Variants in PPARGC1A observed in about 807,000 individuals in gnomAD.
PPARGC1A encodes the protein peroxisome proliferator-activated receptor gamma coactivator 1-alpha.
A neutral mutation model predicts 88.7 loss-of-function variants in PPARGC1A; 25 were observed. The observed-to-expected ratio is 0.28, with a 90% CI of 0.21 to 0.39. The LOEUF (loss-of-function observed/expected upper bound fraction) is 0.39, where lower values mean the gene tolerates loss of function less well. PPARGC1A is among the 10% of genes least tolerant of loss of function. The pLI, the probability that PPARGC1A is intolerant of heterozygous loss-of-function variation, is 1.00. For synonymous variants in PPARGC1A, 363 were observed against 355.6 expected (o/e 1.02, Z -0.24); for missense variants, 880 against 968.7 (o/e 0.91, Z 1.22).
chr4:23,885,995 G>A (rs1716811523), intron 1 of PPARGC1A, among the ~76,000 whole-genome samples: 1 of 152,132 alleles, frequency 6.6e-6, no homozygotes, highest in Non-Finnish European at 1.5e-5. Flanking sequence ...CCTTACCAAT[G>A]AGGTGGTCTC....
At chr4:23,982,599 T>C in the PPARGC1A span, among the ~76,000 whole-genome samples, 1 of 152,152 alleles carries the variant, frequency 6.6e-6, no homozygotes, top group African/African-American at 2.4e-5. Flanking sequence ...AAAGAAGAAA[T>C]GATAAATATT....
chr4:24,461,883 T>C, the PPARGC1A span, among the ~76,000 whole-genome samples: 3 of 152,096 alleles, frequency 2.0e-5, no homozygotes, highest in Admixed American at 2.0e-4. Flanking sequence ...TCTTGAAACT[T>C]TCTGTGATTT....
the PPARGC1A span, among the ~76,000 whole-genome samples, chr4:24,291,764 T>C: frequency 6.6e-6 from 1 of 151,862 alleles, no homozygotes; most frequent in Non-Finnish European, 1.5e-5. Context: ...ACTAAATTAA[T>C]TGAGTAAAAG....
chr4:24,256,558 C>T, the PPARGC1A span, among the ~76,000 whole-genome samples: 5 of 152,124 alleles, frequency 3.3e-5, no homozygotes, highest in African/African-American at 1.2e-4. Context: ...TGAGTGGTCT[C>T]ATTTAGTACA....
the PPARGC1A span, among the ~76,000 whole-genome samples, chr4:24,065,429 T>C: frequency 6.6e-6 from 1 of 152,288 alleles, no homozygotes; most frequent in African/African-American, 2.4e-5. Context: ...GGTGGAGAAG[T>C]GATCTCCAAA....
intron 2 of PPARGC1A, among the ~76,000 whole-genome samples, chr4:23,866,488 G>A (rs946044855): frequency 3.9e-5 from 6 of 152,162 alleles, no homozygotes; most frequent in Non-Finnish European, 5.9e-5. Flanking sequence ...AAATCTATAT[G>A]AAAAAAGCTC....
At chr4:24,302,466 A>T in the PPARGC1A span, among the ~76,000 whole-genome samples, 179 of 152,276 alleles carry the variant, frequency 1.2e-3, no homozygotes, top group African/African-American at 4.0e-3. Flanking sequence ...CACTGTGACT[A>T]CTTGTCTTAA....
At chr4:24,366,070 A>G in the PPARGC1A span, among the ~76,000 whole-genome samples, 2 of 152,212 alleles carry the variant, frequency 1.3e-5, no homozygotes, top group Non-Finnish European at 2.9e-5. Context: ...GAAAACCACC[A>G]GGCTTGAACC....
At chr4:24,444,630 G>A in the PPARGC1A span, among the ~76,000 whole-genome samples, 1 of 152,180 alleles carries the variant, frequency 6.6e-6, no homozygotes, top group Non-Finnish European at 1.5e-5. Context: ...CACAGAAGGT[G>A]AGAGATTGAT....
chr4:24,294,320 G>A, the PPARGC1A span, among the ~76,000 whole-genome samples: 1 of 151,986 alleles, frequency 6.6e-6, no homozygotes, highest in African/African-American at 2.4e-5. Context: ...ATAATGTTTC[G>A]ATGTCCATTA....
At chr4:23,920,057 C>T in the PPARGC1A span, among the ~76,000 whole-genome samples, 4 of 152,268 alleles carry the variant, frequency 2.6e-5, no homozygotes, top group South Asian at 4.1e-4. Context: ...TTGAGGTCCA[C>T]GTAGGAGCAA....
At chr4:24,351,530 C>T in the PPARGC1A span, among the ~76,000 whole-genome samples, 1 of 151,994 alleles carries the variant, frequency 6.6e-6, no homozygotes, top group Non-Finnish European at 1.5e-5. Flanking sequence ...ATTTTGACTA[C>T]ACGTGTTCTG....
At chr4:23,821,213 C>T (rs1722962778) in intron 7 of PPARGC1A, among the ~76,000 whole-genome samples, 1 of 152,092 alleles carries the variant, frequency 6.6e-6, no homozygotes, top group South Asian at 2.1e-4. Context: ...AAGTTCTCTT[C>T]AGGCAGACCT....
chr4:23,809,537 T>C (rs1297146956), intron 10 of PPARGC1A, among the ~76,000 whole-genome samples: 1 of 152,148 alleles, frequency 6.6e-6, no homozygotes, highest in Non-Finnish European at 1.5e-5. Flanking sequence ...AAAAAAGCAA[T>C]GTCCAGTAAT....
intron 2 of PPARGC1A, among the ~76,000 whole-genome samples, chr4:23,850,467 A>G (rs1359865464): frequency 2.0e-5 from 3 of 152,234 alleles, no homozygotes; most frequent in African/African-American, 4.8e-5. Context: ...CAATTTCTAT[A>G]AAGTACAAGC....
chr4:23,927,072 C>A, the PPARGC1A span, among the ~76,000 whole-genome samples: 1 of 152,212 alleles, frequency 6.6e-6, no homozygotes, highest in African/African-American at 2.4e-5. Flanking sequence ...TTTAATACAT[C>A]TAACCTACAA....
chr4:23,986,991 G>A, the PPARGC1A span, among the ~76,000 whole-genome samples: 1 of 152,028 alleles, frequency 6.6e-6, no homozygotes, highest in Non-Finnish European at 1.5e-5. Context: ...ACTGCCAAGA[G>A]AATGAACACA....
the PPARGC1A span, among the ~76,000 whole-genome samples, chr4:24,001,248 A>C: frequency 1.9e-3 from 291 of 152,290 alleles, 4 homozygotes; most frequent in Non-Finnish European, 3.8e-4. Flanking sequence ...TTTCTTTGTT[A>C]TAATATGCTA....
the PPARGC1A span, among the ~76,000 whole-genome samples, chr4:24,053,137 C>G: frequency 7.3e-5 from 11 of 151,626 alleles, no homozygotes; most frequent in Non-Finnish European, 1.6e-4. Flanking sequence ...TCCCAAAGTG[C>G]CAGGATTACA....
Sources: gnomAD v4.1 joint callset for allele counts (sites outside exome capture counted in the v4.1 genomes callset) on GRCh38, gnomAD v4.1.1 for gene constraint, MANE v1.5 for transcripts, NCBI Gene and HGNC (gene_info 2026-07-23, HGNC 2026-07-21) for gene names.